The following SPAG16 variants were observed in gnomAD, a reference collection of about 807,000 sequenced individuals.
The protein encoded by SPAG16 is sperm-associated antigen 16 protein.
A neutral mutation model predicts 80.4 loss-of-function variants in SPAG16; 86 were observed. The ratio of observed to expected loss-of-function variants is 1.07; its 90% CI spans 0.90 to 1.28. The LOEUF (loss-of-function observed/expected upper bound fraction) is 1.28, where lower values mean the gene tolerates loss of function less well. Among genes scored for constraint, SPAG16 ranks in the 50% most tolerant of loss-of-function variants. SPAG16 has a pLI of 0.00. For synonymous variants in SPAG16, 294 were observed against 265.9 expected (o/e 1.11, Z -1.03); for missense variants, 870 against 765.3 (o/e 1.14, Z -1.61).
At chr2:214,371,685 A>T (rs1005889946) in intron 15 of SPAG16, among the ~76,000 whole-genome samples, 131 of 143,032 alleles carry the variant, frequency 9.2e-4, no homozygotes, top group African/African-American at 3.1e-3. Context: ...ATAGATAATA[A>T]TTTTTTTTTT....
chr2:213,417,003 G>T (rs1334821491), intron 9 of SPAG16, among the ~76,000 whole-genome samples: 1 of 152,174 alleles, frequency 6.6e-6, no homozygotes, highest in Admixed American at 6.5e-5. Context: ...TGTGGCTGCT[G>T]GTTGCCTGGT....
intron 10 of SPAG16, among the ~76,000 whole-genome samples, chr2:213,572,865 G>C: frequency 6.6e-6 from 1 of 152,180 alleles, no homozygotes; most frequent in Non-Finnish European, 1.5e-5. Context: ...TTTGATCTCA[G>C]ACTGCTGTGC....
chr2:213,834,012 G>T (rs2073945914), intron 10 of SPAG16, among the ~76,000 whole-genome samples: 1 of 151,978 alleles, frequency 6.6e-6, no homozygotes, highest in Admixed American at 6.6e-5. Flanking sequence ...TCGAATCGTG[G>T]GGGCTGGTCC....
intron 14 of SPAG16, among the ~76,000 whole-genome samples, chr2:214,145,909 A>G (rs1257195510): frequency 3.3e-5 from 5 of 152,176 alleles, no homozygotes; most frequent in Non-Finnish European, 2.9e-5. Flanking sequence ...TAAGAACTAT[A>G]CTGGATGCTG....
intron 15 of SPAG16, among the ~76,000 whole-genome samples, chr2:214,169,296 T>TA (rs568420190): frequency 6.6e-6 from 1 of 152,092 alleles, no homozygotes; most frequent in African/African-American, 2.4e-5. Flanking sequence ...CATTTTGTGT[T>TA]AAAAAAGAAC....
intron 15 of SPAG16, among the ~76,000 whole-genome samples, chr2:214,260,914 C>T (rs1691103414): frequency 6.6e-6 from 1 of 151,838 alleles, no homozygotes; most frequent in Admixed American, 6.6e-5. Context: ...TGAGACCAGC[C>T]TGGCCAACAT....
chr2:213,369,023 G>A (rs1270360069), intron 8 of SPAG16, among the ~76,000 whole-genome samples: 3 of 152,084 alleles, frequency 2.0e-5, no homozygotes, highest in South Asian at 4.1e-4. Context: ...ACAAATACAG[G>A]CTGATTTCTC....
intron 10 of SPAG16, among the ~76,000 whole-genome samples, chr2:213,636,904 G>A (rs1559331529): frequency 6.6e-6 from 1 of 152,124 alleles, no homozygotes; most frequent in African/African-American, 2.4e-5. Flanking sequence ...GGCAAAAAGT[G>A]ACAATTTGAC....
chr2:214,396,929 T>A (rs976096132), intron 15 of SPAG16, among the ~76,000 whole-genome samples: 1 of 151,860 alleles, frequency 6.6e-6, no homozygotes, highest in African/African-American at 2.4e-5. Flanking sequence ...TTAGCTTTTT[T>A]CCTAAAAATA....
At chr2:214,037,002 A>G (rs1256047935) in intron 13 of SPAG16, among the ~76,000 whole-genome samples, 1 of 152,010 alleles carries the variant, frequency 6.6e-6, no homozygotes, top group African/African-American at 2.4e-5. Flanking sequence ...AGTGAGATCT[A>G]TATTAAATTT....
intron 12 of SPAG16, among the ~76,000 whole-genome samples, chr2:214,004,744 C>T (rs565248997): frequency 6.6e-6 from 1 of 152,066 alleles, no homozygotes; most frequent in South Asian, 2.1e-4. Context: ...TGATCTAGTG[C>T]TTATTCAAGT....
intron 10 of SPAG16, among the ~76,000 whole-genome samples, chr2:213,745,985 T>C (rs1351130627): frequency 1.3e-5 from 2 of 152,214 alleles, no homozygotes; most frequent in African/African-American, 4.8e-5. Context: ...GCTGTTATGC[T>C]AAGATCAGAA....
At chr2:213,774,946 C>T (rs982318652) in intron 10 of SPAG16, among the ~76,000 whole-genome samples, 3 of 152,188 alleles carry the variant, frequency 2.0e-5, no homozygotes, top group Non-Finnish European at 4.4e-5. Context: ...ACTCAGCTCC[C>T]ATTCTTCAGC....
intron 11 of SPAG16, among the ~76,000 whole-genome samples, chr2:213,888,556 T>C (rs2076658973): frequency 6.6e-6 from 1 of 151,672 alleles, no homozygotes; most frequent in African/African-American, 2.4e-5. Flanking sequence ...TTATACATAT[T>C]AATAGGACAA....
chr2:213,529,925 A>G (rs549920058), intron 10 of SPAG16, among the ~76,000 whole-genome samples: 197 of 152,306 alleles, frequency 1.3e-3, no homozygotes, highest in Non-Finnish European at 2.6e-3. Context: ...GTAAGACTCA[A>G]ATACACACAT....
chr2:213,977,491 C>G (rs2045477093), intron 12 of SPAG16, among the ~76,000 whole-genome samples: 1 of 151,978 alleles, frequency 6.6e-6, no homozygotes, highest in Admixed American at 6.6e-5. Context: ...TGTAGACATT[C>G]CTGTTCATAA....
chr2:213,528,935 T>A (rs536575705), intron 10 of SPAG16, among the ~76,000 whole-genome samples: 1 of 152,320 alleles, frequency 6.6e-6, no homozygotes, highest in South Asian at 2.1e-4. Context: ...TCTGAAATTA[T>A]AGATTCTTGA....
intron 10 of SPAG16, among the ~76,000 whole-genome samples, chr2:213,491,876 A>G (rs1178835056): frequency 2.6e-5 from 4 of 152,202 alleles, no homozygotes; most frequent in Admixed American, 2.6e-4. Context: ...TAGTTAGCCT[A>G]TTAGGAGGGA....
At chr2:213,303,547 C>A (rs2062827208) in intron 3 of SPAG16, among the ~76,000 whole-genome samples, 1 of 151,942 alleles carries the variant, frequency 6.6e-6, no homozygotes, top group Admixed American at 6.6e-5. Context: ...TCCCCAGCCT[C>A]TGGTAATTAT....
Sources: gnomAD v4.1 joint callset for allele counts (sites outside exome capture counted in the v4.1 genomes callset) on GRCh38, gnomAD v4.1.1 for gene constraint, MANE v1.5 for transcripts, NCBI Gene and HGNC (gene_info 2026-07-23, HGNC 2026-07-21) for gene names.